The following EYA4 variants were observed in gnomAD, a reference collection of about 807,000 sequenced individuals.
EYA4 encodes the protein EYA transcriptional coactivator and phosphatase 4.
In EYA4, 31 loss-of-function variants were observed where a neutral mutation model predicts 87.9. That is an observed-to-expected ratio of 0.35 (90% CI 0.27 to 0.48). EYA4 has a LOEUF of 0.48. EYA4 is among the 20% of genes least tolerant of loss of function. The pLI, the probability that EYA4 is intolerant of heterozygous loss-of-function variation, is 0.99. For synonymous variants in EYA4, 263 were observed against 270.6 expected (o/e 0.97, Z 0.28); for missense variants, 678 against 761.4 (o/e 0.89, Z 1.29).
At chr6:133,435,080 G>A (rs1278338782) in intron 3 of EYA4, 2 of 152,174 alleles carry the variant, frequency 1.3e-5, no homozygotes, top group Non-Finnish European at 2.9e-5. Flanking sequence ...AAATGCTTCT[G>A]GTTTTCGGAA....
At chr6:133,405,885 G>A (rs760447017) in intron 3 of EYA4, among the ~76,000 whole-genome samples, 2 of 152,092 alleles carry the variant, frequency 1.3e-5, no homozygotes, top group African/African-American at 2.4e-5. Context: ...TCATGCAGCT[G>A]TCTGGGAGAA....
chr6:133,448,128 T>G lies in EYA4; in HGVS notation c.226T>G (p.Leu76Val). ...NGTGGENMTV[L>V]NTADWLLSCN... ...GTTCTCAGGGGAAAACATGACTGTTTTAAACACAGCAGACTGGTTGCTGAG... is the reference window on the plus strand; with the variant it reads ...GTTCTCAGGGGAAAACATGACTGTTGTAAACACAGCAGACTGGTTGCTGAG... The change falls in exon 5 of 20, where the codon TTA (leucine) becomes GTA (valine). Residue 76 changes from leucine to valine, a missense_variant. Leu to Val is a conservative substitution (Grantham distance 32). Coordinates refer to ENST00000355286, the MANE Select transcript of EYA4 (RefSeq NM_004100.5). The G allele has an allele frequency of 6.2e-7, 1 of 1,613,776 alleles. No individual in the cohort carries two copies. Among genetic ancestry groups the G allele is most frequent in the Non-Finnish European group, 8.5e-7 (1 of 1,179,678 alleles).
At chr6:133,506,020 C>G in intron 13 of EYA4, 86 bp from the exon 14 acceptor site, 1 of 840,672 alleles carries the variant, frequency 1.2e-6, no homozygotes, top group Non-Finnish European at 2.1e-6. Context: ...TCTCCCTCTT[C>G]CACCACAGCA....
At chr6:133,400,132 A>G (rs1414168918) in intron 3 of EYA4, among the ~76,000 whole-genome samples, 1 of 152,210 alleles carries the variant, frequency 6.6e-6, no homozygotes, top group Non-Finnish European at 1.5e-5. Flanking sequence ...CAAGAGTTTC[A>G]TGATAAAATG....
intron 13 of EYA4, among the ~76,000 whole-genome samples, chr6:133,502,068 T>TCACTCA: frequency 6.6e-6 from 1 of 151,194 alleles, no homozygotes; most frequent in African/African-American, 2.4e-5. Flanking sequence ...TCTCTCTCTC[T>TCACTCA]CTCACTCTCT....
At chr6:133,506,299 G>A (rs1222430775) in intron 14 of EYA4, 104 bp downstream of exon 14, 13 of 689,070 alleles carry the variant, frequency 1.9e-5, no homozygotes, top group Non-Finnish European at 3.1e-5. Flanking sequence ...TAAAAATTCA[G>A]CTCAAGAGAA....
At chr6:133,343,183 C>T (rs957491831) in intron 2 of EYA4, among the ~76,000 whole-genome samples, 1 of 152,144 alleles carries the variant, frequency 6.6e-6, no homozygotes, top group Admixed American at 6.5e-5. Context: ...TGAGATCAAC[C>T]TAACAAAAGC....
chr6:133,309,600 G>A (rs1780062963), intron 2 of EYA4, among the ~76,000 whole-genome samples: 1 of 152,124 alleles, frequency 6.6e-6, no homozygotes, highest in Non-Finnish European at 1.5e-5. Flanking sequence ...TGCTATTAAT[G>A]TTACCATTCT....
chr6:133,315,586 C>T (rs1182996326), intron 2 of EYA4, among the ~76,000 whole-genome samples: 2 of 152,022 alleles, frequency 1.3e-5, no homozygotes, highest in African/African-American at 4.8e-5. Flanking sequence ...AAACGCGCCA[C>T]TGATAGAAAA....
chr6:133,254,054 G>A (rs1348723655), intron 1 of EYA4, among the ~76,000 whole-genome samples: 5 of 152,046 alleles, frequency 3.3e-5, no homozygotes, highest in Non-Finnish European at 1.5e-5. Context: ...TGGTTTATTG[G>A]TTATTTTCTA....
Position 133,462,417 on chromosome 6 carries a change from C to A in EYA4, c.520C>A (p.Gln174Lys). 6.2e-7 allele frequency: 1 copy of A among 1,614,056 alleles called. No homozygotes were observed. Residue 174 changes from glutamine to lysine, a missense_variant, in exon 8 of 20, where the codon CAG (glutamine) becomes AAG (lysine). Coordinates refer to ENST00000355286, the MANE Select transcript of EYA4 (RefSeq NM_004100.5). The stretch of plus-strand genomic sequence containing the variant: ...CCAGACTCAGTATTCGGGGATGCAG[C>A]AGCCAGCCGTCTACACAGCCTACTC... ...AGQTQYSGMQ[Q>K]PAVYTAYSQT... is the part of the protein sequence containing the mutation.
intron 2 of EYA4, among the ~76,000 whole-genome samples, chr6:133,358,777 C>T (rs549411693): frequency 1.3e-4 from 20 of 152,184 alleles, no homozygotes; most frequent in South Asian, 4.2e-4. Flanking sequence ...TAGGAAGACA[C>T]GCACTCAAGA....
chr6:133,295,732 T>C (rs1020499276), intron 2 of EYA4, among the ~76,000 whole-genome samples: 8 of 152,178 alleles, frequency 5.3e-5, no homozygotes, highest in African/African-American at 1.9e-4. Flanking sequence ...CAAATCCAGG[T>C]CTGTCAGACC....
At chr6:133,390,582 C>T (rs1247712518) in intron 3 of EYA4, among the ~76,000 whole-genome samples, 2 of 152,160 alleles carry the variant, frequency 1.3e-5, no homozygotes, top group Non-Finnish European at 1.5e-5. Flanking sequence ...TTCTACCTAT[C>T]GTTCCAAACT....
intron 13 of EYA4, among the ~76,000 whole-genome samples, chr6:133,499,185 T>C (rs1307747476): frequency 2.0e-5 from 3 of 152,154 alleles, no homozygotes; most frequent in Admixed American, 2.0e-4. Flanking sequence ...GAACATTAAC[T>C]TACCTTAAGT....
intron 1 of EYA4, among the ~76,000 whole-genome samples, chr6:133,253,895 A>G (rs1775125589): frequency 6.6e-6 from 1 of 152,094 alleles, no homozygotes; most frequent in South Asian, 2.1e-4. Flanking sequence ...CGTAACCTCA[A>G]CACCTGGAGA....
At position 133,525,078 on chromosome 6, in the gene EYA4, T is replaced by C. The variant is rs1367388132; in HGVS notation, c.1739-76T>C. The C allele has an allele frequency of 2.5e-6, 4 of 1,613,596 alleles. No homozygotes were observed. Among genetic ancestry groups the C allele is most frequent in the Admixed American group, 3.3e-5 (2 of 59,916 alleles). On this transcript the variant is annotated intron_variant, in intron 18 of 19. Coordinates refer to ENST00000355286, the MANE Select transcript of EYA4 (RefSeq NM_004100.5). Reference sequence around the variant, plus strand: ...GGCACTAACATAACTTATGTTGTGATTGGAGATGGCCGAGATGAGGAGCAT... The same window carrying C: ...GGCACTAACATAACTTATGTTGTGACTGGAGATGGCCGAGATGAGGAGCAT...
chr6:133,444,953 A>G (rs78236375), intron 3 of EYA4, among the ~76,000 whole-genome samples: 3,973 of 152,218 alleles, frequency 0.026, 153 homozygotes, highest in East Asian at 0.081. Context: ...GTAATCGTCA[A>G]TGTGTTTGAG....
chr6:133,502,574 T>C (rs1798227425), intron 13 of EYA4: 1 of 152,208 alleles, frequency 6.6e-6, no homozygotes, highest in African/African-American at 2.4e-5. Context: ...ACCCACCAAA[T>C]GTCCAGTCAT....
Sources: allele counts gnomAD v4.1 joint callset (sites outside exome capture counted in the v4.1 genomes callset), GRCh38; gene constraint gnomAD v4.1.1; transcripts MANE v1.5; gene names NCBI Gene and HGNC (gene_info 2026-07-23, HGNC 2026-07-21).